Variants in KLF17 observed in about 807,000 individuals in gnomAD.
The protein encoded by KLF17 is KLF transcription factor 17, also known as Krueppel-like factor 17.
Under a neutral mutation model 34.2 loss-of-function variants are expected in KLF17, and 31 were observed. The ratio of observed to expected loss-of-function variants is 0.91; its 90% CI spans 0.68 to 1.22. The LOEUF is 1.22. Among genes scored for constraint, KLF17 ranks in the 50% most tolerant of loss-of-function variants. The probability of loss-of-function intolerance (pLI) is 0.00; values close to 1 mark genes in which losing one functional copy is unlikely to be tolerated. For missense variants in KLF17, 478 were observed against 505.2 expected (o/e 0.95, Z 0.52); for synonymous variants, 179 against 186.7 (o/e 0.96, Z 0.34).
the KLF17 span, among the ~76,000 whole-genome samples, chr1:44,069,453 C>T: frequency 2.2e-5 from 3 of 133,852 alleles, no homozygotes; most frequent in African/African-American, 8.4e-5. The surrounding 1 kb of genome is among the most constrained non-coding windows in gnomAD (Gnocchi z 4.7). Context: ...CGGAGGGGAG[C>T]CAGTGTGTTA....
At chr1:44,112,798 G>C in the KLF17 span, among the ~76,000 whole-genome samples, 1 of 152,176 alleles carries the variant, frequency 6.6e-6, no homozygotes, top group African/African-American at 2.4e-5. Context: ...GAGTAAAATA[G>C]GGTTAGTAAG....
chr1:44,113,223 C>T, the KLF17 span, among the ~76,000 whole-genome samples: 1 of 152,172 alleles, frequency 6.6e-6, no homozygotes, highest in Non-Finnish European at 1.5e-5. Flanking sequence ...CAGCTTCTTT[C>T]AATTTCTGTA....
intron 1 of KLF17, among the ~76,000 whole-genome samples, chr1:44,121,052 T>C (rs1162057917): frequency 6.6e-6 from 1 of 152,196 alleles, no homozygotes; most frequent in East Asian, 1.9e-4. Flanking sequence ...AGAGTTTTTT[T>C]TAAAAAATGA....
the KLF17 span, among the ~76,000 whole-genome samples, chr1:44,064,947 G>A: frequency 6.6e-6 from 1 of 152,212 alleles, no homozygotes; most frequent in South Asian, 2.1e-4. Flanking sequence ...ATGAGAAAGT[G>A]TGCTAACTAG....
chr1:44,049,152 G>T, the KLF17 span, among the ~76,000 whole-genome samples: 4 of 152,170 alleles, frequency 2.6e-5, no homozygotes, highest in Non-Finnish European at 4.4e-5. Context: ...TCTTCACAGT[G>T]TAGAGAGAGC....
chr1:44,110,923 G>T, the KLF17 span, among the ~76,000 whole-genome samples: 1 of 151,862 alleles, frequency 6.6e-6, no homozygotes, highest in Non-Finnish European at 1.5e-5. Context: ...AGGAGTTTGA[G>T]ACCAGCCTGG....
At chr1:44,054,176 T>C in the KLF17 span, among the ~76,000 whole-genome samples, 1 of 152,128 alleles carries the variant, frequency 6.6e-6, no homozygotes, top group African/African-American at 2.4e-5. Context: ...TTCTCCTGGG[T>C]GTGCATTTTA....
chr1:44,056,676 G>A, the KLF17 span, among the ~76,000 whole-genome samples: 2 of 152,214 alleles, frequency 1.3e-5, no homozygotes, highest in Non-Finnish European at 2.9e-5. Flanking sequence ...TCAAAGGCCC[G>A]GGAATAGTCC....
At chr1:44,073,282 C>G in the KLF17 span, among the ~76,000 whole-genome samples, 1 of 150,910 alleles carries the variant, frequency 6.6e-6, no homozygotes, top group Non-Finnish European at 1.5e-5. Context: ...TTTCGGCTCA[C>G]CGCAACCTCT....
the KLF17 span, among the ~76,000 whole-genome samples, chr1:44,099,865 GA>G: frequency 2.0e-4 from 10 of 49,394 alleles, 1 homozygote; most frequent in African/African-American, 6.4e-4. Context: ...AAGAAAGAAA[GA>G]AAGAAAGAAA....
chr1:44,130,821 G>C, intron 3 of KLF17, 65 bp downstream of exon 3: 4 of 1,511,790 alleles, frequency 2.6e-6, no homozygotes, highest in Non-Finnish European at 3.6e-6. Flanking sequence ...TTTTGAGACG[G>C]AGTCTCACTC....
the KLF17 span, among the ~76,000 whole-genome samples, chr1:44,091,504 G>A: frequency 6.6e-6 from 1 of 151,656 alleles, no homozygotes. Context: ...AAAAACATGA[G>A]AATTAGCCAG....
chr1:44,095,225 T>C, the KLF17 span, among the ~76,000 whole-genome samples: 1 of 109,460 alleles, frequency 9.1e-6, no homozygotes, highest in South Asian at 3.1e-4. Context: ...TTTTTTTTTT[T>C]TTTTCCTGAG....
upstream of KLF17, among the ~76,000 whole-genome samples, chr1:44,116,723 T>A (rs2087882724): frequency 6.6e-6 from 1 of 152,184 alleles, no homozygotes; most frequent in Admixed American, 6.5e-5. Context: ...ACTTTGCTGT[T>A]CTGCTGGGCC....
the KLF17 span, among the ~76,000 whole-genome samples, chr1:44,072,650 C>T: frequency 6.6e-6 from 1 of 152,174 alleles, no homozygotes; most frequent in Non-Finnish European, 1.5e-5. Flanking sequence ...GCTATGATCA[C>T]ACCACTGCAC....
chr1:44,046,081 CAG>C, the KLF17 span: 153 of 150,632 alleles, frequency 1.0e-3, no homozygotes, highest in African/African-American at 3.5e-3. Context: ...AAAAATAAAA[CAG>C]ATGTCAGCCT....
the KLF17 span, among the ~76,000 whole-genome samples, chr1:44,097,631 A>T: frequency 2.0e-5 from 3 of 152,144 alleles, no homozygotes; most frequent in African/African-American, 7.2e-5. Context: ...TGGGTACATT[A>T]TAGGTATATT....
the KLF17 span, chr1:44,088,045 A>G: frequency 9.2e-6 from 2 of 218,254 alleles, no homozygotes; most frequent in African/African-American, 4.6e-5. Flanking sequence ...GCACAGGAGA[A>G]GAGCTGCTGC....
At chr1:44,091,086 C>T in the KLF17 span, among the ~76,000 whole-genome samples, 1 of 152,038 alleles carries the variant, frequency 6.6e-6, no homozygotes, top group Non-Finnish European at 1.5e-5. Context: ...TATCTATCAA[C>T]ATTTACTATA....
Sources: allele counts gnomAD v4.1 joint callset (sites outside exome capture counted in the v4.1 genomes callset), GRCh38; gene constraint gnomAD v4.1.1; non-coding constraint Gnocchi (gnomAD v3.1); transcripts MANE v1.5; gene names NCBI Gene and HGNC (gene_info 2026-07-23, HGNC 2026-07-21).